ARCN1: variants seen among roughly 807,000 people sequenced by gnomAD.
The protein encoded by ARCN1 is coatomer subunit delta.
A neutral mutation model predicts 60.4 loss-of-function variants in ARCN1; 5 were observed. The ratio of observed to expected loss-of-function variants is 0.08; its 90% CI spans 0.04 to 0.17. ARCN1 has a LOEUF of 0.17. ARCN1 is among the 10% of genes least tolerant of loss of function. The pLI is 1.00. For synonymous variants in ARCN1, 224 were observed against 220.0 expected (o/e 1.02, Z -0.16); for missense variants, 464 against 626.5 (o/e 0.74, Z 2.77).
intron 9 of ARCN1, among the ~76,000 whole-genome samples, chr11:118,600,244 A>G (rs953226478): frequency 2.0e-5 from 3 of 152,240 alleles, no homozygotes; most frequent in African/African-American, 7.2e-5. Flanking sequence ...AGCAGAGCAA[A>G]TGAATAATGT....
chr11:118,597,427 C>T (rs1410888741), intron 8 of ARCN1, among the ~76,000 whole-genome samples: 1 of 152,190 alleles, frequency 6.6e-6, no homozygotes, highest in East Asian at 1.9e-4. Flanking sequence ...TGGTCGCAGT[C>T]CCCAGATCTA....
intron 1 of ARCN1, chr11:118,573,740 C>A (rs1313735728): frequency 4.4e-6 from 3 of 682,042 alleles, no homozygotes; most frequent in Non-Finnish European, 8.0e-6. Flanking sequence ...GGGGGGAATT[C>A]ATGCTTGGAC....
Position 118,601,521 on chromosome 11 carries a change from G to A in ARCN1, c.*807G>A, listed in dbSNP as rs116755107. On this transcript the variant is annotated 3_prime_UTR_variant, in exon 10 of 10. Coordinates refer to ENST00000264028, the MANE Select transcript of ARCN1 (RefSeq NM_001655.5). ...ATTCAGTCAGGCACTGGGATCATCT[G>A]TTTACAGGCATTATATTTATTTGGC... is the stretch of plus-strand genomic sequence containing the variant. The A allele has an allele frequency of 5.4e-3, 3,501 of 652,084 alleles. 99 individuals carry two copies. The highest frequency in any genetic ancestry group is 0.052 in the African/African-American group (2,918 of 55,588). The allele number at this position is 652,084 out of a possible 1,614,324, so 40.4% of individuals were successfully genotyped here.
intron 1 of ARCN1, among the ~76,000 whole-genome samples, chr11:118,575,974 G>GTT (rs150069695): frequency 8.4e-5 from 12 of 143,322 alleles, no homozygotes; most frequent in African/African-American, 3.0e-4. Context: ...CACTGTAGTT[G>GTT]TTTTTTTTTT....
Position 118,593,045 on chromosome 11 carries a change from T to C in ARCN1, c.1132+189T>C, listed in dbSNP as rs559929653. Among the ~76,000 whole-genome samples, 159 of 152,238 alleles carry C rather than the reference T, an allele frequency of 1.0e-3. 1 individual carries two copies. Among genetic ancestry groups the C allele is most frequent in the Non-Finnish European group, 1.4e-3 (92 of 68,044 alleles). On this transcript the variant is annotated intron_variant, in intron 7 of 9. Coordinates refer to ENST00000264028, the MANE Select transcript of ARCN1 (RefSeq NM_001655.5). ...GTTTTCATTTTTAATAGCTTTCATT[T>C]TGAAACCATTGTAGTTTTGTTGTTG... is the stretch of plus-strand genomic sequence containing the variant.
chr11:118,592,357 C>G (rs1417070124), intron 6 of ARCN1, among the ~76,000 whole-genome samples: 1 of 152,204 alleles, frequency 6.6e-6, no homozygotes, highest in Non-Finnish European at 1.5e-5. Context: ...CAGGGTCTTA[C>G]TGGAGCCTTC....
chr11:118,587,922 G>T (rs185349913), intron 5 of ARCN1, among the ~76,000 whole-genome samples: 33 of 152,316 alleles, frequency 2.2e-4, no homozygotes, highest in Admixed American at 2.2e-3. Context: ...TGTTACAGAG[G>T]ACATTTTAAA....
intron 1 of ARCN1, among the ~76,000 whole-genome samples, chr11:118,578,926 A>G (rs1217142069): frequency 2.4e-5 from 3 of 125,320 alleles, no homozygotes; most frequent in Non-Finnish European, 4.9e-5. Flanking sequence ...AGAAAAATCC[A>G]TTACCTTGAA....
At chr11:118,581,187 G>C in intron 1 of ARCN1, 59 bp from the exon 2 acceptor site, 1 of 1,588,584 alleles carries the variant, frequency 6.3e-7, no homozygotes, top group Middle Eastern at 1.7e-4. Context: ...TTCCTGAGAT[G>C]CTGAGAAAAC....
At chr11:118,589,992 T>C (rs1310081575) in intron 5 of ARCN1, among the ~76,000 whole-genome samples, 3 of 152,072 alleles carry the variant, frequency 2.0e-5, no homozygotes, top group African/African-American at 4.8e-5. Flanking sequence ...TCTTTTTTCT[T>C]TTCTTTTCTT....
Position 118,586,868 on chromosome 11 carries a change from A to G in ARCN1, c.818+2224A>G, listed in dbSNP as rs553525595. On this transcript the variant is annotated intron_variant, in intron 5 of 9. Coordinates refer to ENST00000264028, the MANE Select transcript of ARCN1 (RefSeq NM_001655.5). ...CTCTATCTCCAAAAAAAAAAAAAAA[A>G]AAAAAATGTTGGAGATCATCACATA... Among the ~76,000 whole-genome samples the G allele has an allele frequency of 3.9e-5, 6 of 152,074 alleles. No individual in the cohort carries two copies. The South Asian group carries it at 1.2e-3, about 32-fold the overall frequency.
Position 118,593,596 on chromosome 11 carries a change from G to A in ARCN1, c.1139G>A (p.Cys380Tyr). ...EESFIPLTINCWPSESGNGCD... is the reference protein window; with the variant it reads ...EESFIPLTINYWPSESGNGCD... ...TGCTTTGCTTTCTCCTCAGTTAATTGCTGGCCCTCGGAGAGTGGAAATGGC... is the reference window on the plus strand; with the variant it reads ...TGCTTTGCTTTCTCCTCAGTTAATTACTGGCCCTCGGAGAGTGGAAATGGC... The change falls in exon 8 of 10, where the codon TGC (cysteine) becomes TAC (tyrosine). Residue 380 changes from cysteine to tyrosine, a missense_variant. Around this residue, in one of 2 missense-constraint regions of ARCN1, gnomAD observed 359 missense variants for 440.2 expected, o/e 0.82. Transcript: ENST00000264028. 6.2e-7 allele frequency: 1 copy of A among 1,609,338 alleles called. No homozygotes were observed. Among genetic ancestry groups the A allele is most frequent in the Non-Finnish European group, 8.5e-7 (1 of 1,175,988 alleles).
rs183142531 is a variant in ARCN1 at position 118,590,953 on chromosome 11, G to C, written c.984+447G>C. On this transcript the variant is annotated intron_variant, in intron 6 of 9. Coordinates refer to ENST00000264028, the MANE Select transcript of ARCN1 (RefSeq NM_001655.5). Reference sequence around the variant, plus strand: ...GGATCGCTTGAGCCCAGGAGTTCAAGAACAGCCTGAGCAATGAGGGCTGAG... The same window carrying C: ...GGATCGCTTGAGCCCAGGAGTTCAACAACAGCCTGAGCAATGAGGGCTGAG... Among the ~76,000 whole-genome samples the C allele has an allele frequency of 2.6e-5, 4 of 152,332 alleles. No individual in the cohort carries two copies. The East Asian group carries it at 7.7e-4, about 29-fold the overall frequency.
In ARCN1 at chr11:118,593,642, T is replaced by C. The variant is rs1555076682; in HGVS notation, c.1185T>C (p.Tyr395=). 1.2e-6 allele frequency: 2 copies of C among 1,613,506 alleles called. No homozygotes were observed. The highest frequency in any genetic ancestry group is 3.3e-5 in the Admixed American group (2 of 60,000). The change falls in exon 8 of 10, where the codon TAT becomes TAC. Residue 395 remains tyrosine, a synonymous_variant. Coordinates refer to ENST00000264028, the MANE Select transcript of ARCN1 (RefSeq NM_001655.5). ...SGNGCDVNIE[Y]ELQEDNLELN... ...ATGGCTGTGATGTCAACATAGAATA[T>C]GAGCTACAAGAAGATAATTTAGAAC... is the stretch of plus-strand genomic sequence containing the variant.
chr11:118,597,772 A>G lies in ARCN1; in HGVS notation c.1307A>G (p.Asn436Ser), dbSNP rs1555077436. ...DGEYRHDSRR[N>S]TLEWCLPVID... is the part of the protein sequence containing the mutation. ...GAGTATCGACATGACAGTCGACGAA[A>G]TACCCTGGAGTGGTGCCTGCCTGTG... The change falls in exon 9 of 10, where the codon AAT becomes AGT. Residue 436 changes from asparagine to serine, a missense_variant. This residue lies in a region of ARCN1 where 359 missense variants were observed against 440.2 expected (regional missense o/e 0.82). Coordinates refer to ENST00000264028, the MANE Select transcript of ARCN1 (RefSeq NM_001655.5). 2.5e-6 allele frequency: 4 copies of G among 1,614,106 alleles called. No individual in the cohort carries two copies. Among genetic ancestry groups the G allele is most frequent in the Admixed American group, 1.7e-5 (1 of 60,006 alleles).
intron 5 of ARCN1, among the ~76,000 whole-genome samples, chr11:118,585,329 T>A (rs1555075330): frequency 6.6e-6 from 1 of 152,130 alleles, no homozygotes; most frequent in African/African-American, 2.4e-5. Context: ...TTTAGAACTT[T>A]CCTTTTACAG....
At chr11:118,597,999 T>C (rs1280662936) in intron 9 of ARCN1, 88 bp downstream of exon 9, 5 of 1,327,312 alleles carry the variant, frequency 3.8e-6, no homozygotes, top group Non-Finnish European at 5.2e-6. Context: ...GCATGGCTTT[T>C]TGTGGTCAGA....
Position 118,597,198 on chromosome 11 carries a change from T to A in ARCN1, c.1242-509T>A, listed in dbSNP as rs564816384. On this transcript the variant is annotated intron_variant, in intron 8 of 9. Transcript: ENST00000264028. The stretch of plus-strand genomic sequence containing the variant: ...CTCCAGCCTGGCGACAGAGCAAGAC[T>A]CTGTCTCAAAAAACAAATGAACAAG... 1.3e-5 allele frequency among the ~76,000 whole-genome samples: 2 copies of A among 152,286 alleles called. 1 individual carries two copies. Among genetic ancestry groups the A allele is most frequent in the South Asian group, 4.1e-4 (2 of 4,822 alleles).
At chr11:118,589,794 G>A (rs1471622388) in intron 5 of ARCN1, among the ~76,000 whole-genome samples, 3 of 152,152 alleles carry the variant, frequency 2.0e-5, no homozygotes, top group Non-Finnish European at 4.4e-5. Context: ...CAATTCTTCA[G>A]TGAATAACTT....
Sources: gnomAD v4.1 joint callset for allele counts (sites outside exome capture counted in the v4.1 genomes callset) on GRCh38, gnomAD v4.1.1 for gene constraint, gnomAD v4.1.1 regional missense constraint, MANE v1.5 for transcripts, NCBI Gene and HGNC (gene_info 2026-07-23, HGNC 2026-07-21) for gene names.